Variants in L2HGDH observed in about 807,000 individuals in gnomAD.
The protein encoded by L2HGDH is L-2-hydroxyglutarate dehydrogenase, mitochondrial.
L2HGDH carries 34 observed loss-of-function variants against 51.5 expected under a neutral mutation model. That is an observed-to-expected ratio of 0.66 (90% CI 0.50 to 0.88). L2HGDH has a LOEUF of 0.88. Among genes scored for constraint, L2HGDH ranks in the 40% least tolerant of loss-of-function variants. The probability of loss-of-function intolerance (pLI) is 0.00; values close to 1 mark genes in which losing one functional copy is unlikely to be tolerated. For missense variants in L2HGDH, 558 were observed against 571.9 expected, an observed-to-expected ratio of 0.98 and a Z score of 0.25; for synonymous variants, 198 against 197.9, an observed-to-expected ratio of 1.00 and a Z score of -0.01.
intron 1 of L2HGDH, chr14:50,311,558 G>T (rs1404260633): frequency 1.6e-5 from 7 of 444,334 alleles, no homozygotes; most frequent in Admixed American, 1.5e-4. Context: ...CACTATGCGG[G>T]GTGTGCCAGG....
At chr14:50,295,814 C>T (rs539500382) in intron 3 of L2HGDH, among the ~76,000 whole-genome samples, 16 of 150,458 alleles carry the variant, frequency 1.1e-4, no homozygotes, top group Middle Eastern at 3.4e-3. Flanking sequence ...TCTCGTCTCA[C>T]TGCAACCTCT....
intron 9 of L2HGDH, among the ~76,000 whole-genome samples, chr14:50,262,375 A>C (rs1889079423): frequency 6.6e-6 from 1 of 151,756 alleles, no homozygotes; most frequent in African/African-American, 2.4e-5. Flanking sequence ...GGTTGTAGTA[A>C]GCCGACATTG....
At chr14:50,302,855 G>A (rs2030493553) in intron 2 of L2HGDH, 47 bp downstream of exon 2, 1 of 1,194,266 alleles carries the variant, frequency 8.4e-7, no homozygotes, top group African/African-American at 1.5e-5. Flanking sequence ...GACAAAATGA[G>A]CAGATGCCCA....
At chr14:50,264,781 G>C (rs539866049) in intron 9 of L2HGDH, among the ~76,000 whole-genome samples, 4 of 152,256 alleles carry the variant, frequency 2.6e-5, no homozygotes, top group Non-Finnish European at 4.4e-5. Flanking sequence ...ATTGGGTACT[G>C]GGCTTAATAT....
chr14:50,273,832 G>A lies in L2HGDH; in HGVS notation c.739-4502C>T, dbSNP rs182218384. 3.0e-3 allele frequency among the ~76,000 whole-genome samples: 461 copies of A among 152,280 alleles called. 2 individuals are homozygous for A. The highest frequency in any genetic ancestry group is 0.01 in the African/African-American group (422 of 41,568). On this transcript the variant is annotated intron_variant, in intron 6 of 9. Coordinates refer to ENST00000267436, the MANE Select transcript of L2HGDH (RefSeq NM_024884.3). Reference sequence around the variant, plus strand: ...ACAGGGGCTCACGCCTGTAATCCCCGCACTTTGGGAGCCAAGGCGGGTAGA... The same window carrying A: ...ACAGGGGCTCACGCCTGTAATCCCCACACTTTGGGAGCCAAGGCGGGTAGA...
chr14:50,284,926 C>T (rs1890485104), intron 4 of L2HGDH, among the ~76,000 whole-genome samples: 1 of 152,194 alleles, frequency 6.6e-6, no homozygotes, highest in African/African-American at 2.4e-5. Context: ...ATCACCCCAA[C>T]ATATTCCCCT....
Position 50,247,116 on chromosome 14 carries a change from GA to G in L2HGDH, c.1333del (p.Ser445LeufsTer8). 6 of 1,613,984 alleles carry G rather than the reference GA, an allele frequency of 3.7e-6. No individual in the cohort carries two copies. Among genetic ancestry groups the G allele is most frequent in the Non-Finnish European group, 4.2e-6 (5 of 1,179,884 alleles). Reference sequence around the variant, plus strand: ...AATCATTCCAGAAATTGCAATGGAAGAAGTAGCAGCAGGAGAAGGTGCATTT... The same window carrying G: ...AATCATTCCAGAAATTGCAATGGAAGAGTAGCAGCAGGAGAAGGTGCATTT... ...VRNAPSPAAT[S>X]SIAISGMIAD... On this transcript the variant is annotated frameshift_variant, in exon 10 of 10. Transcript: ENST00000267436. LOFTEE classifies it high-confidence loss of function.
chr14:50,308,964 C>A (rs2030890544), intron 1 of L2HGDH, among the ~76,000 whole-genome samples: 1 of 152,176 alleles, frequency 6.6e-6, no homozygotes, highest in Admixed American at 6.5e-5. Context: ...CAGGCGACGC[C>A]TTGCATGGAT....
At chr14:50,302,333 A>G (rs1030016692) in intron 2 of L2HGDH, among the ~76,000 whole-genome samples, 165 bp from the exon 3 acceptor site, 4 of 152,224 alleles carry the variant, frequency 2.6e-5, no homozygotes, top group African/African-American at 9.6e-5. Flanking sequence ...CCTGGTATCC[A>G]TGTCACATCC....
At chr14:50,263,688 A>G (rs1326522068) in intron 9 of L2HGDH, among the ~76,000 whole-genome samples, 1 of 152,112 alleles carries the variant, frequency 6.6e-6, no homozygotes, top group East Asian at 1.9e-4. Flanking sequence ...AAAGGTGAAC[A>G]CTAAAAACAT....
chr14:50,279,665 CCTCAA>C (rs1409997884), intron 5 of L2HGDH, among the ~76,000 whole-genome samples: 2 of 150,478 alleles, frequency 1.3e-5, no homozygotes, highest in Non-Finnish European at 3.0e-5. Context: ...CATAGTGAGA[CCTCAA>C]CTCTTTTTAT....
intron 6 of L2HGDH, among the ~76,000 whole-genome samples, chr14:50,276,665 T>G (rs1242025793): frequency 6.6e-6 from 1 of 152,166 alleles, no homozygotes; most frequent in Non-Finnish European, 1.5e-5. Context: ...AGAGGTCATG[T>G]GAGGACATAG....
intron 9 of L2HGDH, among the ~76,000 whole-genome samples, chr14:50,249,429 A>C (rs894937025): frequency 2.0e-5 from 3 of 152,224 alleles, no homozygotes; most frequent in Non-Finnish European, 4.4e-5. Context: ...AGCAAAGAGT[A>C]AAGAGGACCG....
chr14:50,287,034 C>G (rs1209590130), intron 4 of L2HGDH: 2 of 251,462 alleles, frequency 8.0e-6, no homozygotes. Flanking sequence ...AATACCAGTT[C>G]TGAGTCAGAT....
chr14:50,284,180 A>G (rs1047283588), intron 4 of L2HGDH, 147 bp from the exon 5 acceptor site: 1 of 705,762 alleles, frequency 1.4e-6, no homozygotes, highest in Non-Finnish European at 2.4e-6. Flanking sequence ...TTTCTTTTCC[A>G]TTTATTATCC....
intron 5 of L2HGDH, among the ~76,000 whole-genome samples, chr14:50,282,177 TG>T (rs895903819): frequency 2.6e-5 from 4 of 152,110 alleles, no homozygotes; most frequent in African/African-American, 9.7e-5. Flanking sequence ...GGGGGCGTGA[TG>T]GTACCGGCAT....
chr14:50,261,606 T>C (rs2139959382), intron 9 of L2HGDH, among the ~76,000 whole-genome samples: 1 of 151,922 alleles, frequency 6.6e-6, no homozygotes, highest in African/African-American at 2.4e-5. Context: ...CTTAAGCCTC[T>C]CTAGTAGCTA....
Position 50,247,067 on chromosome 14 carries a change from A to G in L2HGDH, c.1383T>C (p.Phe461=), listed in dbSNP as rs2139922124. The change falls in exon 10 of 10, where the codon TTT becomes TTC. Residue 461 remains phenylalanine, a synonymous_variant. Transcript: ENST00000267436. ...TAGCTCCTTTCATTATTTATAATTCAAATCTTTGTTGTACTTCATCTGCAA... is the reference window on the plus strand; with the variant it reads ...TAGCTCCTTTCATTATTTATAATTCGAATCTTTGTTGTACTTCATCTGCAA... ...GMIADEVQQR[F]EL 1 of 1,613,340 alleles carries G rather than the reference A, an allele frequency of 6.2e-7. No individual in the cohort carries two copies. The highest frequency in any genetic ancestry group is 1.7e-4 in the Middle Eastern group (1 of 5,932).
At chr14:50,257,863 T>A (rs767637047) in intron 9 of L2HGDH, among the ~76,000 whole-genome samples, 3 of 151,648 alleles carry the variant, frequency 2.0e-5, no homozygotes, top group Non-Finnish European at 4.4e-5. Flanking sequence ...GGAAGTCTAA[T>A]TCTGCCACTT....
Sources: allele counts gnomAD v4.1 joint callset (sites outside exome capture counted in the v4.1 genomes callset), GRCh38; gene constraint gnomAD v4.1.1; transcripts MANE v1.5; gene names NCBI Gene and HGNC (gene_info 2026-07-23, HGNC 2026-07-21).